SLC7A11: variants seen among roughly 807,000 people sequenced by gnomAD.
SLC7A11 encodes solute carrier family 7 member 11, also known as cystine/glutamate transporter.
In SLC7A11, 35 loss-of-function variants were observed where a neutral mutation model predicts 54.5. The ratio of observed to expected loss-of-function variants is 0.64; its 90% CI spans 0.49 to 0.85. The LOEUF (loss-of-function observed/expected upper bound fraction) is 0.85, where lower values mean the gene tolerates loss of function less well. Among genes scored for constraint, SLC7A11 ranks in the 40% least tolerant of loss-of-function variants. The probability of loss-of-function intolerance (pLI) is 0.00; values close to 1 mark genes in which losing one functional copy is unlikely to be tolerated. For missense variants in SLC7A11, 583 were observed against 618.1 expected, an observed-to-expected ratio of 0.94 and a Z score of 0.60; for synonymous variants, 230 against 225.2, an observed-to-expected ratio of 1.02 and a Z score of -0.19.
At chr4:138,239,148 C>T (rs576770105) in intron 1 of SLC7A11, among the ~76,000 whole-genome samples, 1 of 152,186 alleles carries the variant, frequency 6.6e-6, no homozygotes, top group East Asian at 1.9e-4. Context: ...GTAGGCTGTC[C>T]AGAAAAGGAT....
intron 5 of SLC7A11, among the ~76,000 whole-genome samples, chr4:138,215,845 A>T (rs1737668222): frequency 6.6e-6 from 1 of 152,180 alleles, no homozygotes; most frequent in Non-Finnish European, 1.5e-5. Flanking sequence ...TTCTCATGTC[A>T]AAAATAGCCA....
At chr4:138,201,784 A>C (rs773066114) in intron 6 of SLC7A11, among the ~76,000 whole-genome samples, 1 of 152,156 alleles carries the variant, frequency 6.6e-6, no homozygotes, top group Non-Finnish European at 1.5e-5. Flanking sequence ...ATCTACTATG[A>C]GCAAAGCATT....
At chr4:138,195,220 C>T (rs1737101983) in intron 6 of SLC7A11, among the ~76,000 whole-genome samples, 1 of 152,186 alleles carries the variant, frequency 6.6e-6, no homozygotes, top group Admixed American at 6.5e-5. Context: ...GGTCAGACCT[C>T]TGGACGGTCA....
intron 5 of SLC7A11, among the ~76,000 whole-genome samples, chr4:138,217,817 C>A (rs1159948440): frequency 1.3e-5 from 2 of 152,174 alleles, no homozygotes; most frequent in African/African-American, 4.8e-5. Context: ...GAGCTCTGAT[C>A]CAGGCTGAAT....
chr4:138,208,949 C>T (rs1737476150), intron 6 of SLC7A11, among the ~76,000 whole-genome samples: 1 of 151,970 alleles, frequency 6.6e-6, no homozygotes, highest in South Asian at 2.1e-4. Flanking sequence ...AGAAATTTTG[C>T]CCACCTTTGT....
intron 3 of SLC7A11, among the ~76,000 whole-genome samples, chr4:138,227,410 G>T (rs986945446): frequency 6.6e-6 from 1 of 152,150 alleles, no homozygotes; most frequent in Non-Finnish European, 1.5e-5. Flanking sequence ...CAGAGTGACA[G>T]TTTGTATCTA....
intron 6 of SLC7A11, among the ~76,000 whole-genome samples, chr4:138,185,653 GGCT>G (rs1156853554): frequency 6.6e-6 from 1 of 152,110 alleles, no homozygotes; most frequent in African/African-American, 2.4e-5. Context: ...GTGATTCTGA[GGCT>G]GCTGATCAGG....
intron 6 of SLC7A11, among the ~76,000 whole-genome samples, chr4:138,198,958 T>C (rs956085910): frequency 4.6e-5 from 7 of 152,154 alleles, no homozygotes; most frequent in South Asian, 4.2e-4. Flanking sequence ...AGCACATAAG[T>C]AGAAAGAGCT....
chr4:138,179,063 C>T (rs765327505), intron 11 of SLC7A11, among the ~76,000 whole-genome samples, 154 bp downstream of exon 11: 1 of 152,114 alleles, frequency 6.6e-6, no homozygotes, highest in South Asian at 2.1e-4. Flanking sequence ...AAATGTCCTT[C>T]CTGCCAAAAA....
intron 1 of SLC7A11, among the ~76,000 whole-genome samples, chr4:138,237,283 G>C (rs373168314): frequency 6.6e-6 from 1 of 151,460 alleles, no homozygotes; most frequent in Non-Finnish European, 1.5e-5. Context: ...CACTGTGCAC[G>C]GCCAAGATTT....
At chr4:138,180,285 T>G (rs1456248200) in intron 10 of SLC7A11, among the ~76,000 whole-genome samples, 1 of 152,092 alleles carries the variant, frequency 6.6e-6, no homozygotes, top group Non-Finnish European at 1.5e-5. Flanking sequence ...TTACTCCTCC[T>G]CACCATGGCT....
intron 6 of SLC7A11, among the ~76,000 whole-genome samples, chr4:138,197,387 A>T (rs1737164443): frequency 6.6e-6 from 1 of 152,158 alleles, no homozygotes; most frequent in Non-Finnish European, 1.5e-5. Context: ...TGGGGGTAAA[A>T]AGAACAAAAG....
At chr4:138,178,920 T>C (rs959338068) in intron 11 of SLC7A11, among the ~76,000 whole-genome samples, 2 of 152,112 alleles carry the variant, frequency 1.3e-5, no homozygotes, top group Non-Finnish European at 2.9e-5. Context: ...ATTAGGTTAG[T>C]AAAGGATTCA....
At chr4:138,235,609 G>A (rs1430745284) in intron 2 of SLC7A11, among the ~76,000 whole-genome samples, 2 of 152,112 alleles carry the variant, frequency 1.3e-5, no homozygotes, top group African/African-American at 2.4e-5. Context: ...TATCAAAGTA[G>A]TTAGCCTTAA....
chr4:138,231,576 C>T (rs1325217111), intron 3 of SLC7A11, among the ~76,000 whole-genome samples: 1 of 152,084 alleles, frequency 6.6e-6, no homozygotes, highest in Non-Finnish European at 1.5e-5. Context: ...GTTATCCTTT[C>T]CCATATTTAA....
intron 1 of SLC7A11, 59 bp downstream of exon 1, chr4:138,241,734 A>T: frequency 7.4e-7 from 1 of 1,357,452 alleles, no homozygotes; most frequent in Non-Finnish European, 1.0e-6. Flanking sequence ...TTGCTTTCCC[A>T]GAAAGCAAGC....
intron 8 of SLC7A11, 56 bp downstream of exon 8, chr4:138,183,146 T>C: frequency 8.2e-7 from 1 of 1,215,344 alleles, no homozygotes; most frequent in Non-Finnish European, 1.2e-6. Flanking sequence ...GTTATCCTTA[T>C]CACATCCAAT....
intron 1 of SLC7A11, among the ~76,000 whole-genome samples, chr4:138,237,737 A>ATT (rs1169641615): frequency 7.1e-4 from 7 of 9,830 alleles, no homozygotes; most frequent in Non-Finnish European, 8.3e-4. Context: ...ATATATATAT[A>ATT]TTTTTTTTTT....
Position 138,171,830 on chromosome 4 carries a change from TA to T in SLC7A11, c.*125del. ...GTTCGAATATGCTAAAATATATGAA[TA>T]AAAATAACTGACTCCTTTTGTTTAT... On this transcript the variant is annotated 3_prime_UTR_variant, in exon 12 of 12. Transcript: ENST00000280612. 8.2e-7 allele frequency: 1 copy of T among 1,224,230 alleles called. No individual in the cohort carries two copies. Among genetic ancestry groups the T allele is most frequent in the East Asian group, 2.8e-5 (1 of 35,474 alleles). The allele number at this position is 1,224,230 out of a possible 1,614,324, so 75.8% of individuals were successfully genotyped here.
Sources: gnomAD v4.1 joint callset for allele counts (sites outside exome capture counted in the v4.1 genomes callset) on GRCh38, gnomAD v4.1.1 for gene constraint, MANE v1.5 for transcripts, NCBI Gene and HGNC (gene_info 2026-07-23, HGNC 2026-07-21) for gene names.